The following CTNNA2 variants were observed in gnomAD, a reference collection of about 807,000 sequenced individuals.
The protein encoded by CTNNA2 is catenin alpha 2, also known as catenin alpha-2.
Under a neutral mutation model 101.0 loss-of-function variants are expected in CTNNA2, and 42 were observed. That is an observed-to-expected ratio of 0.42 (90% CI 0.32 to 0.54). The LOEUF (loss-of-function observed/expected upper bound fraction) is 0.54, where lower values mean the gene tolerates loss of function less well. CTNNA2 is among the 20% of genes least tolerant of loss of function. CTNNA2 has a pLI of 0.14. For missense variants in CTNNA2, 871 were observed against 1,223.1 expected (o/e 0.71, Z 4.29); for synonymous variants, 450 against 456.4 (o/e 0.99, Z 0.18).
chr2:79,201,155 C>T (rs989731246), intron 2 of CTNNA2, among the ~76,000 whole-genome samples: 4 of 151,920 alleles, frequency 2.6e-5, no homozygotes, highest in African/African-American at 9.7e-5. Flanking sequence ...TGGAACTTTC[C>T]TTCAGATTTC....
intron 7 of CTNNA2, among the ~76,000 whole-genome samples, chr2:80,363,756 A>G (rs148666130): frequency 6.6e-6 from 1 of 152,330 alleles, no homozygotes; most frequent in East Asian, 1.9e-4. Flanking sequence ...ATGGAATAAA[A>G]TATTTAAAAC....
At chr2:80,292,495 T>C (rs1220490720) in intron 7 of CTNNA2, among the ~76,000 whole-genome samples, 1 of 152,054 alleles carries the variant, frequency 6.6e-6, no homozygotes, top group Non-Finnish European at 1.5e-5. Context: ...GATGAAGGCT[T>C]TTTGCAGGGC....
At chr2:80,399,048 A>G (rs1033996903) in intron 8 of CTNNA2, among the ~76,000 whole-genome samples, 1 of 149,862 alleles carries the variant, frequency 6.7e-6, no homozygotes, top group Non-Finnish European at 1.5e-5. Context: ...AGCTGGGATT[A>G]CAAGCATGTG....
intron 7 of CTNNA2, among the ~76,000 whole-genome samples, chr2:79,918,460 G>A (rs1284268966): frequency 2.0e-5 from 3 of 152,132 alleles, no homozygotes; most frequent in African/African-American, 7.2e-5. Context: ...CAGAAAGTCT[G>A]GATTCCCAGT....
At chr2:79,798,735 G>A (rs913494733) in intron 3 of CTNNA2, among the ~76,000 whole-genome samples, 2 of 152,012 alleles carry the variant, frequency 1.3e-5, no homozygotes, top group African/African-American at 4.8e-5. Flanking sequence ...AAAAATGAAA[G>A]CAAATGTAAA....
intron 2 of CTNNA2, among the ~76,000 whole-genome samples, chr2:79,715,131 C>T (rs953318985): frequency 1.4e-5 from 2 of 141,434 alleles, no homozygotes; most frequent in Admixed American, 7.6e-5. Flanking sequence ...CGCTTGAACA[C>T]GGGAGGCAGA....
chr2:79,750,361 GTT>G (rs1671937947), intron 3 of CTNNA2, among the ~76,000 whole-genome samples: 2 of 152,166 alleles, frequency 1.3e-5, no homozygotes, highest in Non-Finnish European at 2.9e-5. Flanking sequence ...AATCTCTGCA[GTT>G]GGACCCAGGC....
chr2:80,062,517 T>G (rs567775829), intron 7 of CTNNA2, among the ~76,000 whole-genome samples: 1 of 152,344 alleles, frequency 6.6e-6, no homozygotes, highest in African/African-American at 2.4e-5. Flanking sequence ...ATAATGCTCC[T>G]GGGTAATACA....
intron 4 of CTNNA2, among the ~76,000 whole-genome samples, chr2:79,412,301 C>G (rs1282160643): frequency 6.6e-6 from 1 of 151,172 alleles, no homozygotes; most frequent in African/African-American, 2.4e-5. Flanking sequence ...TAATGGGAGA[C>G]TTTAACACCC....
At chr2:80,184,646 A>G (rs1011076439) in intron 7 of CTNNA2, among the ~76,000 whole-genome samples, 2 of 152,110 alleles carry the variant, frequency 1.3e-5, no homozygotes, top group South Asian at 2.1e-4. Flanking sequence ...TTAGTGTGCA[A>G]TGAACTCCCC....
At chr2:79,293,540 C>A (rs1245342706) in intron 2 of CTNNA2, among the ~76,000 whole-genome samples, 1 of 151,984 alleles carries the variant, frequency 6.6e-6, no homozygotes, top group Non-Finnish European at 1.5e-5. Context: ...AATAAGGAGT[C>A]TATAAAGCAA....
chr2:79,397,420 T>G (rs1314669373), intron 4 of CTNNA2, among the ~76,000 whole-genome samples: 1 of 152,162 alleles, frequency 6.6e-6, no homozygotes, highest in Non-Finnish European at 1.5e-5. Context: ...CAGTATTCTT[T>G]GAGGAAGTCA....
chr2:79,638,817 C>T (rs1224441540), intron 1 of CTNNA2, among the ~76,000 whole-genome samples: 1 of 152,096 alleles, frequency 6.6e-6, no homozygotes, highest in African/African-American at 2.4e-5. Context: ...AATACAAGTC[C>T]TTAGGTACTA....
rs370670393 is a variant in CTNNA2, at chr2:79,648,283, G to T, written c.-5-3269G>T. ...TCTGACTACCATTGCCTCCCTTTTTGCTCTAGAGGATGTTTGACTCATTTT... is the reference window on the plus strand; with the variant it reads ...TCTGACTACCATTGCCTCCCTTTTTTCTCTAGAGGATGTTTGACTCATTTT... On this transcript the variant is annotated intron_variant, in intron 1 of 18. Transcript: ENST00000402739. Among the ~76,000 whole-genome samples the T allele has an allele frequency of 5.3e-5, 8 of 152,064 alleles. 1 individual carries two copies. Among genetic ancestry groups the T allele is most frequent in the African/African-American group, 1.9e-4 (8 of 41,498 alleles).
chr2:80,570,547 A>C (rs1694493696), intron 12 of CTNNA2, among the ~76,000 whole-genome samples: 1 of 152,214 alleles, frequency 6.6e-6, no homozygotes, highest in Non-Finnish European at 1.5e-5. Flanking sequence ...GGTAAGGAAA[A>C]AAATAGATGT....
intron 2 of CTNNA2, among the ~76,000 whole-genome samples, chr2:79,270,291 C>T (rs1675050411): frequency 6.6e-6 from 1 of 152,106 alleles, no homozygotes; most frequent in African/African-American, 2.4e-5. Flanking sequence ...CTCTTAGGAA[C>T]CATGCACTAT....
At chr2:80,529,673 A>G (rs1343816102) in intron 9 of CTNNA2, among the ~76,000 whole-genome samples, 1 of 152,204 alleles carries the variant, frequency 6.6e-6, no homozygotes, top group Non-Finnish European at 1.5e-5. Flanking sequence ...TTAAATAACG[A>G]AACAGCCAGC....
At chr2:79,278,936 T>G (rs1275344303) in intron 2 of CTNNA2, among the ~76,000 whole-genome samples, 1 of 152,044 alleles carries the variant, frequency 6.6e-6, no homozygotes, top group Non-Finnish European at 1.5e-5. Context: ...CCTCAGAGAA[T>G]TCATAGAAAG....
At chr2:80,475,688 C>T (rs1273216268) in intron 9 of CTNNA2, among the ~76,000 whole-genome samples, 1 of 152,024 alleles carries the variant, frequency 6.6e-6, no homozygotes, top group African/African-American at 2.4e-5. Flanking sequence ...TGAAGAGCTG[C>T]CTTAATCATA....
Sources: allele counts gnomAD v4.1 joint callset (sites outside exome capture counted in the v4.1 genomes callset), GRCh38; gene constraint gnomAD v4.1.1; transcripts MANE v1.5; gene names NCBI Gene and HGNC (gene_info 2026-07-23, HGNC 2026-07-21).